Variants in EPHA6 observed in about 807,000 individuals in gnomAD.
EPHA6 encodes ephrin type-A receptor 6.
Under a neutral mutation model 112.0 loss-of-function variants are expected in EPHA6, and 50 were observed. That is an observed-to-expected ratio of 0.45 (90% CI 0.36 to 0.56). EPHA6 has a LOEUF of 0.56. Ranked by LOEUF, EPHA6 falls within the 20% of genes least tolerant of loss-of-function variation. EPHA6 has a pLI of 0.00. For missense variants in EPHA6, 1,280 were observed against 1,417.4 expected, an observed-to-expected ratio of 0.90 and a Z score of 1.56; for synonymous variants, 529 against 490.7, an observed-to-expected ratio of 1.08 and a Z score of -1.03.
intron 15 of EPHA6, among the ~76,000 whole-genome samples, chr3:97,729,595 G>T: frequency 6.6e-6 from 1 of 152,054 alleles, no homozygotes; most frequent in East Asian, 1.9e-4. Flanking sequence ...GATTGTCGGA[G>T]CTACAGTACA....
chr3:97,318,442 G>T (rs1056179487), intron 5 of EPHA6, among the ~76,000 whole-genome samples: 4 of 151,984 alleles, frequency 2.6e-5, no homozygotes, highest in African/African-American at 4.8e-5. Context: ...TTCACACTTG[G>T]TGTTCTTGAA....
At chr3:97,147,525 A>G (rs1346254125) in intron 3 of EPHA6, among the ~76,000 whole-genome samples, 1 of 152,052 alleles carries the variant, frequency 6.6e-6, no homozygotes, top group African/African-American at 2.4e-5. Flanking sequence ...TCTTGTTATA[A>G]AGGTGTTTAA....
chr3:97,700,291 C>T (rs62262813), intron 14 of EPHA6, among the ~76,000 whole-genome samples: 2,825 of 152,232 alleles, frequency 0.019, 38 homozygotes, highest in Middle Eastern at 0.044. Context: ...GACCAAAGTT[C>T]GCCATATTAT....
intron 5 of EPHA6, among the ~76,000 whole-genome samples, chr3:97,313,005 G>T (rs2081632879): frequency 2.0e-5 from 3 of 151,168 alleles, no homozygotes. Context: ...GATTACTAAG[G>T]TTTATCTTGC....
chr3:97,677,457 A>C (rs1560257438), intron 14 of EPHA6, among the ~76,000 whole-genome samples: 1 of 151,964 alleles, frequency 6.6e-6, no homozygotes, highest in Non-Finnish European at 1.5e-5. Flanking sequence ...ATGGTGGCTC[A>C]AGCCTGCAAT....
At chr3:97,228,325 C>G (rs768455624) in intron 4 of EPHA6, among the ~76,000 whole-genome samples, 5 of 152,014 alleles carry the variant, frequency 3.3e-5, no homozygotes, top group Non-Finnish European at 5.9e-5. Context: ...CCCTCCCATC[C>G]TTCCCCACTG....
intron 16 of EPHA6, among the ~76,000 whole-genome samples, chr3:97,741,844 A>T (rs932233424): frequency 7.2e-5 from 11 of 152,276 alleles, no homozygotes; most frequent in Admixed American, 3.3e-4. Flanking sequence ...AAAATTCAAA[A>T]AACAATTCTT....
Position 97,418,614 on chromosome 3 carries a change from A to G in EPHA6, c.1731+13340A>G, listed in dbSNP as rs1241898777. ...CTATTTTTTCAAGAATAAGGGTAAA[A>G]TATTGGTGTTTAGAGATAAACAAAA... On this transcript the variant is annotated intron_variant, in intron 6 of 17. Transcript: ENST00000389672. Among the ~76,000 whole-genome samples, 4 of 152,168 alleles carry G rather than the reference A, an allele frequency of 2.6e-5. No homozygotes were observed. The East Asian group carries it at 7.7e-4, about 29-fold the overall frequency.
At chr3:97,285,846 T>A (rs576139161) in intron 5 of EPHA6, among the ~76,000 whole-genome samples, 1 of 152,236 alleles carries the variant, frequency 6.6e-6, no homozygotes, top group East Asian at 1.9e-4. Context: ...TAATTTACAT[T>A]CCCACCAACA....
chr3:97,720,733 T>G (rs1352589059), intron 15 of EPHA6, among the ~76,000 whole-genome samples: 2 of 152,230 alleles, frequency 1.3e-5, no homozygotes, highest in Non-Finnish European at 2.9e-5. Flanking sequence ...TAATGTTTAC[T>G]TTTCGTTTCT....
chr3:97,528,606 T>A (rs2092656257), intron 10 of EPHA6, among the ~76,000 whole-genome samples: 2 of 152,256 alleles, frequency 1.3e-5, no homozygotes, highest in East Asian at 3.9e-4. Context: ...GGGTTGGATA[T>A]GGAGGAAGTA....
chr3:97,671,224 G>A (rs778793710), intron 14 of EPHA6, among the ~76,000 whole-genome samples: 1 of 152,160 alleles, frequency 6.6e-6, no homozygotes. Flanking sequence ...CTCAGACCAT[G>A]AGATTTGAGA....
intron 5 of EPHA6, among the ~76,000 whole-genome samples, chr3:97,266,457 G>A (rs960683618): frequency 6.6e-6 from 1 of 151,932 alleles, no homozygotes; most frequent in African/African-American, 2.4e-5. Context: ...TTTCACATGA[G>A]CATGATTTAA....
At position 97,116,568 on chromosome 3, in the gene EPHA6, T is replaced by C. The variant is rs148961576; in HGVS notation, c.1115-109696T>C. Among the ~76,000 whole-genome samples, 1,017 of 151,850 alleles carry C rather than the reference T, an allele frequency of 6.7e-3. 3 individuals carry two copies. The highest frequency in any genetic ancestry group is 0.017 in the Middle Eastern group (5 of 294). ...CTATGCATTTAAAAAATATTACACATGTAAGTGAGATCATCATGCAGTTCT... is the reference window on the plus strand; with the variant it reads ...CTATGCATTTAAAAAATATTACACACGTAAGTGAGATCATCATGCAGTTCT... On this transcript the variant is annotated intron_variant, in intron 3 of 17. Transcript: ENST00000389672.
chr3:97,167,397 A>T (rs1352012284), intron 3 of EPHA6, among the ~76,000 whole-genome samples: 1 of 152,034 alleles, frequency 6.6e-6, no homozygotes, highest in African/African-American at 2.4e-5. Context: ...AGTCTCAATG[A>T]TTTCTGTTTC....
chr3:97,124,867 A>C (rs2048141229), intron 3 of EPHA6, among the ~76,000 whole-genome samples: 1 of 152,164 alleles, frequency 6.6e-6, no homozygotes, highest in African/African-American at 2.4e-5. Flanking sequence ...AGAAATTTTA[A>C]GGTTAGGTAT....
chr3:96,825,801 T>G (rs1220185981), intron 1 of EPHA6, among the ~76,000 whole-genome samples: 1 of 151,926 alleles, frequency 6.6e-6, no homozygotes, highest in African/African-American at 2.4e-5. Flanking sequence ...ATCTAGTTTC[T>G]GTATTATAAT....
intron 5 of EPHA6, among the ~76,000 whole-genome samples, chr3:97,275,098 G>C (rs897055826): frequency 9.9e-5 from 15 of 152,172 alleles, no homozygotes; most frequent in Non-Finnish European, 1.2e-4. Flanking sequence ...AAACAGTAAG[G>C]TCAAGTTGTT....
intron 5 of EPHA6, among the ~76,000 whole-genome samples, chr3:97,387,057 G>A (rs369785402): frequency 1.1e-4 from 17 of 152,172 alleles, no homozygotes; most frequent in African/African-American, 3.9e-4. Flanking sequence ...AGGGGCCCTC[G>A]ACCTGGCCCA....
Sources: allele counts gnomAD v4.1 joint callset (sites outside exome capture counted in the v4.1 genomes callset), GRCh38; gene constraint gnomAD v4.1.1; transcripts MANE v1.5; gene names NCBI Gene and HGNC (gene_info 2026-07-23, HGNC 2026-07-21).